The following PHKA1 variants were observed in gnomAD, a reference collection of about 807,000 sequenced individuals.
PHKA1 encodes the protein phosphorylase b kinase regulatory subunit alpha, skeletal muscle isoform.
A neutral mutation model predicts 110.2 loss-of-function variants in PHKA1; 60 were observed. That is an observed-to-expected ratio of 0.54 (90% confidence interval 0.44 to 0.68). The LOEUF is 0.68. Among genes scored for constraint, PHKA1 ranks in the 30% least tolerant of loss-of-function variants. PHKA1 has a pLI of 0.00. For synonymous variants in PHKA1, 316 were observed against 333.6 expected, an observed-to-expected ratio of 0.95 and a Z score of 0.58; for missense variants, 801 against 942.5, an observed-to-expected ratio of 0.85 and a Z score of 1.97.
intron 3 of PHKA1, among the ~76,000 whole-genome samples, chrX:72,702,398 C>T (rs782162387): frequency 3.2e-4 from 35 of 109,972 alleles, no homozygotes; most frequent in Non-Finnish European, 4.9e-4. Flanking sequence ...TGCAGTGAGC[C>T]GAGATCACAC....
intron 21 of PHKA1, among the ~76,000 whole-genome samples, chrX:72,616,829 C>T (rs560438572): frequency 9.0e-6 from 1 of 111,715 alleles, no homozygotes; most frequent in Non-Finnish European, 1.9e-5. Context: ...TGATATAAAA[C>T]TAGAAATCAA....
chrX:72,645,013 G>GT (rs1403999672), intron 13 of PHKA1, among the ~76,000 whole-genome samples: 1 of 111,596 alleles, frequency 9.0e-6, no homozygotes, highest in Non-Finnish European at 1.9e-5. Context: ...GAAACTGTGT[G>GT]TTTTTTAGGC....
At chrX:72,604,592 T>C (rs1204516902) in intron 25 of PHKA1, among the ~76,000 whole-genome samples, 2 of 111,707 alleles carry the variant, frequency 1.8e-5, no homozygotes, top group African/African-American at 3.3e-5. Context: ...AATTGAGTTT[T>C]ACAACTTTGA....
intron 8 of PHKA1, chrX:72,660,712 G>C: frequency 3.2e-6 from 1 of 313,494 alleles, no homozygotes; most frequent in Non-Finnish European, 6.1e-6. Context: ...GCAGACAGAA[G>C]AAGGCAACTT....
chrX:72,612,973 G>C (rs1255427413), intron 21 of PHKA1, among the ~76,000 whole-genome samples: 3 of 110,705 alleles, frequency 2.7e-5, no homozygotes, highest in African/African-American at 9.9e-5. Context: ...ACCAGCTGTA[G>C]GTAACCTCAG....
At chrX:72,594,064 AG>A (rs1362236124) in intron 28 of PHKA1, among the ~76,000 whole-genome samples, 3 of 111,905 alleles carry the variant, frequency 2.7e-5, no homozygotes, top group African/African-American at 9.7e-5. Flanking sequence ...AAATGCATTA[AG>A]GAAAAAAATC....
intron 2 of PHKA1, among the ~76,000 whole-genome samples, chrX:72,711,020 C>T (rs1425001920): frequency 1.9e-5 from 2 of 106,016 alleles, no homozygotes; most frequent in Non-Finnish European, 3.9e-5. Flanking sequence ...CGCTACCACG[C>T]CCGGCTAATT....
intron 4 of PHKA1, among the ~76,000 whole-genome samples, chrX:72,691,160 A>G (rs782027049): frequency 8.9e-6 from 1 of 112,891 alleles, no homozygotes; most frequent in African/African-American, 3.2e-5. Flanking sequence ...TTTGTTGAAG[A>G]GACTATTCTT....
Position 72,656,137 on chromosome X carries a change from T to C in PHKA1, c.1024A>G (p.Ser342Gly), listed in dbSNP as rs1556301302. ...CTTATTACCTGTTCTGCATTGCCAC[T>C]GAAGACCCCATCAAGAATAAAGTAT... ...WTYFILDGVF[S>G]GNAEQVQEYK... The change falls in exon 10 of 32, where the codon AGT becomes GGT. Residue 342 changes from serine (S) to glycine (G), a missense_variant. Physicochemically the swap from Ser to Gly is moderately conservative, Grantham distance 56. Around this residue, in one of 2 missense-constraint regions of PHKA1, gnomAD observed 299 missense variants for 423.3 expected, o/e 0.71. Coordinates refer to ENST00000373542, the MANE Select transcript of PHKA1 (RefSeq NM_002637.4). 1 of 1,209,058 alleles carries C rather than the reference T, an allele frequency of 8.3e-7. No homozygotes were observed. Among genetic ancestry groups the C allele is most frequent in the African/African-American group, 1.7e-5 (1 of 57,191 alleles).
chrX:72,580,990 G>T lies in PHKA1; in HGVS notation c.*12C>A, dbSNP rs782409487. 3 of 1,206,111 alleles carry T rather than the reference G, an allele frequency of 2.5e-6. No individual in the cohort carries two copies. The highest frequency in any genetic ancestry group is 5.9e-5 in the East Asian group (2 of 33,738). ...CTGTCAAAAGGCTCCCAGAAGCCAG[G>T]AACCAAAGCCCTCATTGCATGGCAC... is the stretch of plus-strand genomic sequence containing the variant. On this transcript the variant is annotated 3_prime_UTR_variant, in exon 32 of 32. Coordinates refer to ENST00000373542, the MANE Select transcript of PHKA1 (RefSeq NM_002637.4).
chrX:72,683,242 T>C (rs1421437793), intron 5 of PHKA1, among the ~76,000 whole-genome samples: 12 of 111,749 alleles, frequency 1.1e-4, no homozygotes, highest in African/African-American at 2.9e-4. Flanking sequence ...GTTTGAGACC[T>C]GCCTGGGCAA....
At chrX:72,712,694 G>A in intron 2 of PHKA1, 85 bp downstream of exon 2, 1 of 871,304 alleles carries the variant, frequency 1.1e-6, no homozygotes, top group Non-Finnish European at 1.7e-6. Flanking sequence ...GCTTTTGGTG[G>A]GTTTCACTTC....
At chrX:72,627,178 C>T (rs922580826) in intron 16 of PHKA1, 129 bp from the exon 17 acceptor site, 4 of 525,114 alleles carry the variant, frequency 7.6e-6, no homozygotes, top group Non-Finnish European at 1.3e-5. Flanking sequence ...ATTGACCATC[C>T]TGATTTTAAC....
At chrX:72,621,030 T>C (rs2052972164) in intron 18 of PHKA1, 129 bp from the exon 19 acceptor site, 1 of 700,169 alleles carries the variant, frequency 1.4e-6, no homozygotes, top group Non-Finnish European at 2.1e-6. Flanking sequence ...AGGTTGTTTT[T>C]AGCTCATGGA....
At chrX:72,690,140 T>C (rs1301653694) in intron 4 of PHKA1, among the ~76,000 whole-genome samples, 1 of 111,908 alleles carries the variant, frequency 8.9e-6, no homozygotes, top group African/African-American at 3.2e-5. Context: ...TATTTTCTTC[T>C]ATACTATTGG....
intron 28 of PHKA1, among the ~76,000 whole-genome samples, chrX:72,597,524 T>C (rs1313569034): frequency 9.0e-6 from 1 of 111,532 alleles, no homozygotes; most frequent in African/African-American, 3.3e-5. Context: ...TTTTAAATTT[T>C]TTTTAACTTT....
At position 72,678,142 on chromosome X, in the gene PHKA1, C is replaced by T. The variant is rs1569448205; in HGVS notation, c.538-1992G>A. Among the ~76,000 whole-genome samples the T allele has an allele frequency of 4.5e-5, 5 of 111,614 alleles. No homozygotes were observed. The South Asian group carries it at 1.5e-3, about 34-fold the overall frequency. On this transcript the variant is annotated intron_variant, in intron 5 of 31. Coordinates refer to ENST00000373542, the MANE Select transcript of PHKA1 (RefSeq NM_002637.4). ...CTCCAATCTTATCTCATATTTTCCC[C>T]GCCATAGCCCTGGAATCAACCACTT...
In PHKA1 at chrX:72,584,291, A is replaced by C. The variant is rs2052382513; in HGVS notation, c.3255T>G (p.Leu1085=). 2.5e-6 allele frequency: 3 copies of C among 1,206,896 alleles called. No individual in the cohort carries two copies. In the African/African-American group the frequency reaches 5.3e-5, roughly 21 times the overall value. The change falls in exon 30 of 32, where the codon CTT becomes CTG. Residue 1085 remains leucine (L), a synonymous_variant. Coordinates refer to ENST00000373542, the MANE Select transcript of PHKA1 (RefSeq NM_002637.4). The stretch of plus-strand genomic sequence containing the variant: ...AAGGAAGGACAAACCCTTCAACAGA[A>C]AGTCCGTGACACTGCAAAACAGAAA... ...VWKVLQKCHG[L]SVEGFVLPSS...
chrX:72,699,211 T>A (rs782034604), intron 3 of PHKA1, among the ~76,000 whole-genome samples: 34 of 109,342 alleles, frequency 3.1e-4, no homozygotes, highest in African/African-American at 1.0e-3. Context: ...GTAAAGAAAG[T>A]TATAAGAATA....
Sources: allele counts gnomAD v4.1 joint callset (sites outside exome capture counted in the v4.1 genomes callset), GRCh38; gene constraint gnomAD v4.1.1; regional missense constraint gnomAD v4.1.1; transcripts MANE v1.5; gene names NCBI Gene and HGNC (gene_info 2026-07-23, HGNC 2026-07-21).